Variants in TIMP2 observed in about 807,000 individuals in gnomAD.
TIMP2 encodes the protein TIMP metallopeptidase inhibitor 2.
Under a neutral mutation model 24.3 loss-of-function variants are expected in TIMP2, and 5 were observed. The ratio of observed to expected loss-of-function variants is 0.21; its 90% CI spans 0.11 to 0.43. The LOEUF is 0.43. TIMP2 is among the 20% of genes least tolerant of loss of function. The probability of loss-of-function intolerance (pLI) is 1.00; values close to 1 mark genes in which losing one functional copy is unlikely to be tolerated. For synonymous variants in TIMP2, 130 were observed against 123.2 expected (o/e 1.06, Z -0.37); for missense variants, 221 against 297.5 (o/e 0.74, Z 1.89).
At chr17:78,892,167 C>T in intron 1 of TIMP2, 1 of 1,551,014 alleles carries the variant, frequency 6.4e-7, no homozygotes, top group South Asian at 1.2e-5. Flanking sequence ...CTCCTCAACT[C>T]CTCAGCCAAG....
intron 3 of TIMP2, 64 bp downstream of exon 3, chr17:78,870,832 GGA>G (rs2069675918): frequency 9.2e-6 from 13 of 1,413,430 alleles, no homozygotes; most frequent in Middle Eastern, 2.2e-4. Context: ...AACGAGCCCT[GGA>G]CCGCGTCTAG....
At chr17:78,876,180 C>T (rs1278784558) in intron 1 of TIMP2, among the ~76,000 whole-genome samples, 2 of 152,074 alleles carry the variant, frequency 1.3e-5, no homozygotes, top group Non-Finnish European at 2.9e-5. Context: ...TCCTTGGCTG[C>T]CCCCTGCCCT....
chr17:78,854,715 G>A lies in TIMP2; in HGVS notation c.*952C>T, dbSNP rs1397291061. 6.6e-6 allele frequency: 1 copy of A among 152,228 alleles called. No individual in the cohort carries two copies. Among genetic ancestry groups the A allele is most frequent in the East Asian group, 1.9e-4 (1 of 5,178 alleles). The allele number at this position is 152,228 out of a possible 1,614,324, so 9.4% of individuals were successfully genotyped here. On this transcript the variant is annotated 3_prime_UTR_variant, in exon 5 of 5. Coordinates refer to ENST00000262768, the MANE Select transcript of TIMP2 (RefSeq NM_003255.5). ...GCTTTTTCTGTCCTCAGGATGTGCA[G>A]ATGGGGAGCCCAGCCGGGCCCTGCA...
At position 78,925,307 on chromosome 17, in the gene TIMP2, C is replaced by A. The variant is rs2070342868; in HGVS notation, c.-219G>T. On this transcript the variant is annotated 5_prime_UTR_variant, in exon 1 of 5. Transcript: ENST00000262768. The stretch of plus-strand genomic sequence containing the variant: ...GGGGCGCGGGGCGCAATTCGCCGGG[C>A]GGGGCGGCGGGGTGGGGGGCGGCGG... 1 of 27,596 alleles carries A rather than the reference C, an allele frequency of 3.6e-5. No individual in the cohort carries two copies. The highest frequency in any genetic ancestry group is 7.7e-5 in the Non-Finnish European group (1 of 13,008). 1.7% of individuals were successfully genotyped at this position (27,596 alleles called of 1,614,324 possible).
In TIMP2 at chr17:78,855,956, G is replaced by A. The variant is rs1417302812; in HGVS notation, c.466-92C>T. On this transcript the variant is annotated intron_variant, in intron 4 of 4. Coordinates refer to ENST00000262768, the MANE Select transcript of TIMP2 (RefSeq NM_003255.5). The surrounding 1 kb of genome is among the most constrained non-coding windows in gnomAD (Gnocchi z 6.0). ...GGGGGCATGTCCAGAACCCGGCAAT[G>A]TGCCTACCTGTCATGTGCAGGGATG... 4 of 1,294,080 alleles carry A rather than the reference G, an allele frequency of 3.1e-6. No homozygotes were observed. Among genetic ancestry groups the A allele is most frequent in the African/African-American group, 2.9e-5 (2 of 68,798 alleles). 80.2% of individuals were successfully genotyped at this position (1,294,080 alleles called of 1,614,324 possible). A position where few individuals can be genotyped will look rare whatever the true frequency, so the allele number is the denominator to read the frequency against.
chr17:78,871,449 C>CAAA (rs749440079), intron 2 of TIMP2, among the ~76,000 whole-genome samples: 9 of 122,556 alleles, frequency 7.3e-5, no homozygotes, highest in South Asian at 2.9e-4. Context: ...AAGACTCCGT[C>CAAA]AAAAAAAAAA....
intron 4 of TIMP2, chr17:78,856,083 C>A (rs1039718162): frequency 8.5e-6 from 5 of 585,678 alleles, no homozygotes; most frequent in Non-Finnish European, 1.5e-5. Context: ...GCTGCCCCCC[C>A]TCCTACTGCA....
At chr17:78,910,237 G>T (rs2070195818) in intron 1 of TIMP2, among the ~76,000 whole-genome samples, 1 of 150,970 alleles carries the variant, frequency 6.6e-6, no homozygotes. Context: ...CTGTAGCCCA[G>T]GCTAGAGTGT....
intron 1 of TIMP2, among the ~76,000 whole-genome samples, chr17:78,888,945 T>C (rs1210382382): frequency 6.6e-6 from 1 of 152,192 alleles, no homozygotes; most frequent in Non-Finnish European, 1.5e-5. Context: ...TCAATGTATC[T>C]GAGGTTGTTG....
Position 78,891,535 on chromosome 17 carries a change from C to T in TIMP2, c.131-17616G>A. The T allele has an allele frequency of 6.4e-7, 1 of 1,551,078 alleles. No homozygotes were observed. Among genetic ancestry groups the T allele is most frequent in the Non-Finnish European group, 8.7e-7 (1 of 1,147,106 alleles). On this transcript the variant is annotated intron_variant, in intron 1 of 4. Coordinates refer to ENST00000262768, the MANE Select transcript of TIMP2 (RefSeq NM_003255.5). The surrounding 1 kb of genome is among the most constrained non-coding windows in gnomAD (Gnocchi z 4.5). The stretch of plus-strand genomic sequence containing the variant: ...GGAGCGTGCACTGAGATGCTGGGGA[C>T]ACGGCTTCCCTTCTGCAGCTGGAAT...
At chr17:78,878,436 G>A (rs984520586) in intron 1 of TIMP2, among the ~76,000 whole-genome samples, 4 of 152,160 alleles carry the variant, frequency 2.6e-5, no homozygotes, top group African/African-American at 9.7e-5. Flanking sequence ...CACGAGCATC[G>A]CATAGACAAG....
intron 1 of TIMP2, among the ~76,000 whole-genome samples, chr17:78,908,160 T>C (rs1354153142): frequency 5.9e-5 from 9 of 152,002 alleles, no homozygotes; most frequent in Admixed American, 5.3e-4. Flanking sequence ...AAGAAAAAGC[T>C]ATACCATGTG....
At chr17:78,922,741 C>T (rs1401855727) in intron 1 of TIMP2, among the ~76,000 whole-genome samples, 1 of 152,120 alleles carries the variant, frequency 6.6e-6, no homozygotes, top group Non-Finnish European at 1.5e-5. Flanking sequence ...ATTGCTCGAA[C>T]CCAGGAGGCG....
intron 1 of TIMP2, among the ~76,000 whole-genome samples, chr17:78,919,851 AAAG>A (rs1173143306): frequency 6.6e-6 from 1 of 152,040 alleles, no homozygotes; most frequent in Admixed American, 6.6e-5. Flanking sequence ...AAGAAAAAGA[AAAG>A]AAGACCATCC....
chr17:78,909,260 T>G (rs1219937127), intron 1 of TIMP2, among the ~76,000 whole-genome samples: 1 of 151,778 alleles, frequency 6.6e-6, no homozygotes, highest in Non-Finnish European at 1.5e-5. Context: ...GAGGCTGAAG[T>G]GGGAGGACTG....
intron 3 of TIMP2, among the ~76,000 whole-genome samples, chr17:78,868,494 G>T (rs942258942): frequency 6.6e-6 from 1 of 151,930 alleles, no homozygotes; most frequent in Non-Finnish European, 1.5e-5. Flanking sequence ...CAAGCAATCC[G>T]CCCGCCTCAG....
At position 78,914,490 on chromosome 17, in the gene TIMP2, C is replaced by T. The variant is rs143320367; in HGVS notation, c.130+10469G>A. On this transcript the variant is annotated intron_variant, in intron 1 of 4. Coordinates refer to ENST00000262768, the MANE Select transcript of TIMP2 (RefSeq NM_003255.5). Reference sequence around the variant, plus strand: ...TAGAGATGGGGTTTCATGATGTTGGCCAGGCTGGTCTCGAACTCCTGACCT... The same window carrying T: ...TAGAGATGGGGTTTCATGATGTTGGTCAGGCTGGTCTCGAACTCCTGACCT... 2.1e-3 allele frequency among the ~76,000 whole-genome samples: 320 copies of T among 151,868 alleles called. 10 individuals carry two copies. In the East Asian group the frequency reaches 0.053, roughly 25 times the overall value.
At chr17:78,887,242 C>G (rs1419493842) in intron 1 of TIMP2, among the ~76,000 whole-genome samples, 1 of 152,230 alleles carries the variant, frequency 6.6e-6, no homozygotes, top group Non-Finnish European at 1.5e-5. Flanking sequence ...TCCCACTGAG[C>G]ACCTTGTCCT....
intron 1 of TIMP2, among the ~76,000 whole-genome samples, chr17:78,918,080 A>ACTCT (rs1555652986): frequency 5.3e-5 from 8 of 150,732 alleles, no homozygotes; most frequent in Non-Finnish European, 1.2e-4. Context: ...ACACACACAC[A>ACTCT]CACACACACA....
Sources: allele counts gnomAD v4.1 joint callset (sites outside exome capture counted in the v4.1 genomes callset), GRCh38; gene constraint gnomAD v4.1.1; non-coding constraint Gnocchi (gnomAD v3.1); transcripts MANE v1.5; gene names NCBI Gene and HGNC (gene_info 2026-07-23, HGNC 2026-07-21).